Variants in ZNF257 observed in about 807,000 individuals in gnomAD.
The protein encoded by ZNF257 is zinc finger protein 257.
A neutral mutation model predicts 11.9 loss-of-function variants in ZNF257; 12 were observed. That is an observed-to-expected ratio of 1.01 (90% CI 0.65 to 1.63). The LOEUF (loss-of-function observed/expected upper bound fraction) is 1.63. ZNF257 is among the 40% of genes most tolerant of loss of function. The probability of loss-of-function intolerance (pLI) is 0.00; values close to 1 mark genes in which losing one functional copy is unlikely to be tolerated. For synonymous variants in ZNF257, 183 were observed against 222.7 expected, an observed-to-expected ratio of 0.82 and a Z score of 1.59; for missense variants, 580 against 665.5, an observed-to-expected ratio of 0.87 and a Z score of 1.41.
At chr19:22,056,773 C>T (rs1599658146) in intron 1 of ZNF257, among the ~76,000 whole-genome samples, 1 of 152,194 alleles carries the variant, frequency 6.6e-6, no homozygotes, top group South Asian at 2.1e-4. Flanking sequence ...CCACCGCGCC[C>T]GGCCGAATTT....
At chr19:22,067,811 G>A (rs1377650411) in intron 1 of ZNF257, among the ~76,000 whole-genome samples, 1 of 151,852 alleles carries the variant, frequency 6.6e-6, no homozygotes, top group African/African-American at 2.4e-5. Context: ...TCCAGCCTGG[G>A]TGACAGAGCG....
In ZNF257 at chr19:22,088,294, T is replaced by C. The variant is rs1181830442; in HGVS notation, c.544T>C (p.Phe182Leu). 1 of 1,613,714 alleles carries C rather than the reference T, an allele frequency of 6.2e-7. No individual in the cohort carries two copies. The highest frequency in any genetic ancestry group is 1.7e-5 in the Admixed American group (1 of 59,970). ...TCKCKECGKS[F>L]CMLSQLTRHK... ...CAAATGTAAAGAATGTGGCAAATCA[T>C]TTTGCATGCTTTCACAACTAACTCG... Residue 182 changes from phenylalanine (F) to leucine (L), a missense_variant, in exon 4 of 4, where the codon TTT becomes CTT. Phe to Leu is a conservative substitution (Grantham distance 22, BLOSUM62 0). Transcript: ENST00000594947.
intron 1 of ZNF257, among the ~76,000 whole-genome samples, chr19:22,068,429 C>G (rs2039775611): frequency 6.6e-6 from 1 of 152,080 alleles, no homozygotes; most frequent in Admixed American, 6.5e-5. Flanking sequence ...TTTGATCTGA[C>G]CAAGAATCTG....
intron 1 of ZNF257, among the ~76,000 whole-genome samples, chr19:22,061,718 T>A (rs10406551): frequency 0.24 from 36,031 of 151,978 alleles, 5,803 homozygotes; most frequent in African/African-American, 0.46. Context: ...TGCCATTTTT[T>A]AAAGAGAAAT....
rs558592197 is a variant in ZNF257 at position 22,056,648 on chromosome 19, T to G, written c.3+4013T>G. Among the ~76,000 whole-genome samples, 65 of 151,976 alleles carry G rather than the reference T, an allele frequency of 4.3e-4. No homozygotes were observed. In the South Asian group the frequency reaches 0.014, roughly 32 times the overall value. ...CCGCTACCATGTCCGGCTAATTTTTTTTTGTATTTTTAGTAGAGACGGGGT... is the reference window on the plus strand; with the variant it reads ...CCGCTACCATGTCCGGCTAATTTTTGTTTGTATTTTTAGTAGAGACGGGGT... On this transcript the variant is annotated intron_variant, in intron 1 of 3. Coordinates refer to ENST00000594947, the MANE Select transcript of ZNF257 (RefSeq NM_033468.4).
intron 1 of ZNF257, among the ~76,000 whole-genome samples, chr19:22,065,053 C>CA (rs370857838): frequency 0.013 from 1,486 of 113,668 alleles, 12 homozygotes; most frequent in Middle Eastern, 0.015. Context: ...GACTCCGCCT[C>CA]AAAAAAAAAA....
intron 3 of ZNF257, among the ~76,000 whole-genome samples, chr19:22,083,236 G>A (rs1419511505): frequency 6.6e-6 from 1 of 152,070 alleles, no homozygotes; most frequent in Non-Finnish European, 1.5e-5. Context: ...TTGGGAGGGC[G>A]ACGTGGGTGG....
intron 1 of ZNF257, among the ~76,000 whole-genome samples, chr19:22,070,831 A>G (rs1459144861): frequency 1.3e-5 from 2 of 152,168 alleles, no homozygotes; most frequent in Non-Finnish European, 2.9e-5. Context: ...GCAGCATCAT[A>G]TTACATAGAG....
intron 3 of ZNF257, among the ~76,000 whole-genome samples, chr19:22,085,820 T>C (rs2022464749): frequency 1.3e-5 from 2 of 152,142 alleles, no homozygotes; most frequent in Admixed American, 1.3e-4. Context: ...TTTTATATAA[T>C]ATGAGTTTTT....
intron 3 of ZNF257, among the ~76,000 whole-genome samples, chr19:22,086,792 G>A (rs1448429441): frequency 1.3e-5 from 2 of 151,810 alleles, no homozygotes; most frequent in Non-Finnish European, 2.9e-5. Context: ...TCACTGTTTA[G>A]TGTGTAACTC....
chr19:22,091,314 G>A lies in ZNF257; in HGVS notation c.*1872G>A, dbSNP rs1025601799. 1 of 151,928 alleles carries A rather than the reference G, an allele frequency of 6.6e-6. No homozygotes were observed. Among genetic ancestry groups the A allele is most frequent in the African/African-American group, 2.4e-5 (1 of 41,304 alleles). The allele number at this position is 151,928 out of a possible 1,614,324, so 9.4% of individuals were successfully genotyped here. ...TCTCTACTGAAAATACAAAAAATTA[G>A]CCAGGCATGGTGGTGGGTGCCTGAA... On this transcript the variant is annotated 3_prime_UTR_variant, in exon 4 of 4. Transcript: ENST00000594947.
rs776143045 is a variant in ZNF257 at position 22,088,764 on chromosome 19, T to C, written c.1014T>C (p.His338=). Residue 338 remains histidine, a synonymous_variant, in exon 4 of 4, where the codon CAT becomes CAC. Coordinates refer to ENST00000594947, the MANE Select transcript of ZNF257 (RefSeq NM_033468.4). ...CCCTTACTCGACATAAGATGATTCATACTGGAGAGAAACCCTTCCAATGTG... is the reference window on the plus strand; with the variant it reads ...CCCTTACTCGACATAAGATGATTCACACTGGAGAGAAACCCTTCCAATGTG... ...SSALTRHKMI[H]TGEKPFQCEE... 1.2e-6 allele frequency: 2 copies of C among 1,612,574 alleles called. No individual in the cohort carries two copies. Among genetic ancestry groups the C allele is most frequent in the South Asian group, 1.1e-5 (1 of 91,020 alleles).
At chr19:22,080,653 A>G (rs924731902) in intron 3 of ZNF257, among the ~76,000 whole-genome samples, 9 of 151,810 alleles carry the variant, frequency 5.9e-5, no homozygotes, top group Non-Finnish European at 1.0e-4. Context: ...TATACAGTCT[A>G]TAATGTTTTC....
chr19:22,058,536 G>A (rs1463043975), intron 1 of ZNF257, among the ~76,000 whole-genome samples: 8 of 152,154 alleles, frequency 5.3e-5, no homozygotes, highest in Non-Finnish European at 1.2e-4. Flanking sequence ...AATGGGTGGT[G>A]TCAGAATTCA....
intron 3 of ZNF257, among the ~76,000 whole-genome samples, chr19:22,081,173 G>A (rs922005635): frequency 4.0e-5 from 6 of 151,462 alleles, no homozygotes; most frequent in African/African-American, 1.5e-4. Flanking sequence ...CACCATGCCC[G>A]GTCCTATATA....
intron 2 of ZNF257, among the ~76,000 whole-genome samples, chr19:22,073,168 G>C (rs2022146177): frequency 6.6e-6 from 1 of 152,024 alleles, no homozygotes; most frequent in Admixed American, 6.6e-5. Flanking sequence ...TTGCTGAGCT[G>C]ATCTGTATCC....
At chr19:22,073,729 C>T (rs575891836) in intron 3 of ZNF257, among the ~76,000 whole-genome samples, 165 bp downstream of exon 3, 2 of 152,056 alleles carry the variant, frequency 1.3e-5, no homozygotes, top group Admixed American at 1.3e-4. Flanking sequence ...CACATAGGGA[C>T]ATTTCTGTCT....
rs1297362177 is a variant in ZNF257 at position 22,090,799 on chromosome 19, C to G, written c.*1357C>G. ...ATTACTTCATGCTGTTTCTTCATTT[C>G]TATTGTATTCACCTGTGAAAGCATG... On this transcript the variant is annotated 3_prime_UTR_variant, in exon 4 of 4. Transcript: ENST00000594947. The G allele has an allele frequency of 1.3e-5, 2 of 152,064 alleles. No homozygotes were observed. The highest frequency in any genetic ancestry group is 4.8e-5 in the African/African-American group (2 of 41,398). The allele number at this position is 152,064 out of a possible 1,614,324, so 9.4% of individuals were successfully genotyped here.
At chr19:22,082,522 C>T (rs1456457660) in intron 3 of ZNF257, among the ~76,000 whole-genome samples, 1 of 152,142 alleles carries the variant, frequency 6.6e-6, no homozygotes, top group African/African-American at 2.4e-5. Context: ...TGAACACTCT[C>T]ACCTTTTATT....
Sources: gnomAD v4.1 joint callset for allele counts (sites outside exome capture counted in the v4.1 genomes callset) on GRCh38, gnomAD v4.1.1 for gene constraint, MANE v1.5 for transcripts, NCBI Gene and HGNC (gene_info 2026-07-23, HGNC 2026-07-21) for gene names.